Variants in HAO2 observed in about 807,000 individuals in gnomAD.
The protein encoded by HAO2 is hydroxyacid oxidase 2, also known as 2-Hydroxyacid oxidase 2.
Under a neutral mutation model 37.4 loss-of-function variants are expected in HAO2, and 42 were observed. That is an observed-to-expected ratio of 1.12 (90% confidence interval 0.88 to 1.45). The LOEUF (loss-of-function observed/expected upper bound fraction) is 1.45. Ranked by LOEUF, HAO2 falls within the 40% of genes most tolerant of loss-of-function variation. The probability of loss-of-function intolerance (pLI) is 0.00; values close to 1 mark genes in which losing one functional copy is unlikely to be tolerated. For synonymous variants in HAO2, 180 were observed against 162.8 expected, an observed-to-expected ratio of 1.11 and a Z score of -0.81; for missense variants, 476 against 430.2, an observed-to-expected ratio of 1.11 and a Z score of -0.94.
chr1:119,384,697 G>A (rs1162149475), intron 3 of HAO2, 79 bp from the exon 4 acceptor site: 1 of 1,169,478 alleles, frequency 8.6e-7, no homozygotes, highest in Non-Finnish European at 1.2e-6. Flanking sequence ...ATGGCCAGAG[G>A]CTACACAGAC....
intron 3 of HAO2, among the ~76,000 whole-genome samples, chr1:119,383,662 CAATAAT>C (rs749935310): frequency 4.0e-5 from 6 of 151,560 alleles, no homozygotes; most frequent in Admixed American, 2.6e-4. Context: ...CCACCACCGC[CAATAAT>C]AATAATAATA....
At chr1:119,381,318 C>A in intron 2 of HAO2, 102 bp downstream of exon 2, 2 of 811,112 alleles carry the variant, frequency 2.5e-6, no homozygotes, top group Non-Finnish European at 4.2e-6. Context: ...AAACACAGAT[C>A]ACTCAAGACC....
intron 1 of HAO2, among the ~76,000 whole-genome samples, chr1:119,376,832 G>A (rs1383737906): frequency 6.6e-6 from 1 of 152,132 alleles, no homozygotes; most frequent in East Asian, 1.9e-4. Context: ...TGGAACACAG[G>A]GCAACCAGTC....
chr1:119,388,558 T>A (rs746321157), intron 5 of HAO2, among the ~76,000 whole-genome samples: 14 of 152,172 alleles, frequency 9.2e-5, no homozygotes, highest in Non-Finnish European at 4.4e-5. Flanking sequence ...CAAACTCAAG[T>A]TCACTTGGAG....
chr1:119,394,064 T>C lies in HAO2; in HGVS notation c.*224T>C, dbSNP rs1651138511. ...CTTTGTATCACTGACTATTATATGT[T>C]GCTCTCTTGCCTAAATCTTCCTCTG... On this transcript the variant is annotated 3_prime_UTR_variant, in exon 8 of 8. Transcript: ENST00000325945. The C allele has an allele frequency of 7.5e-7, 1 of 1,337,948 alleles. No homozygotes were observed. Among genetic ancestry groups the C allele is most frequent in the South Asian group, 1.7e-5 (1 of 58,184 alleles). The allele number at this position is 1,337,948 out of a possible 1,614,324, so 82.9% of individuals were successfully genotyped here.
chr1:119,384,568 G>A (rs587691315), intron 3 of HAO2, among the ~76,000 whole-genome samples: 26 of 152,304 alleles, frequency 1.7e-4, no homozygotes, highest in Admixed American at 1.3e-3. Flanking sequence ...TTGTAAGACA[G>A]GTTATACAGA....
rs1650961869 is a variant in HAO2 at position 119,392,152 on chromosome 1, A to G, written c.814A>G (p.Ile272Val). The G allele has an allele frequency of 6.2e-7, 1 of 1,613,340 alleles. No homozygotes were observed. Among genetic ancestry groups the G allele is most frequent in the South Asian group, 1.1e-5 (1 of 90,978 alleles). Residue 272 changes from isoleucine to valine, a missense_variant, in exon 6 of 8, where the codon ATT becomes GTT. By Grantham distance (29) the Ile-to-Val change is conservative. Transcript: ENST00000325945. ...TEVVAAVKGK[I>V]EVYLDGGVRT... The stretch of plus-strand genomic sequence containing the variant: ...AGTGGTGGCTGCTGTAAAGGGGAAA[A>G]TTGAAGTCTACCTGGATGGCGGGGT...
chr1:119,384,707 C>G (rs1031302735), intron 3 of HAO2, 69 bp from the exon 4 acceptor site: 1 of 1,306,706 alleles, frequency 7.7e-7, no homozygotes, highest in African/African-American at 1.5e-5. Context: ...GCTACACAGA[C>G]TCCCAAGGTT....
Position 119,392,101 on chromosome 1 carries a change from C to T in HAO2, c.772-9C>T, listed in dbSNP as rs1650957841. 7 of 1,610,166 alleles carry T rather than the reference C, an allele frequency of 4.3e-6. No individual in the cohort carries two copies. Among genetic ancestry groups the T allele is most frequent in the Non-Finnish European group, 5.9e-6 (7 of 1,178,002 alleles). On this transcript the variant is annotated splice_polypyrimidine_tract_variant and intron_variant, in intron 5 of 7. Transcript: ENST00000325945. ...AAAGCCCTCCAGCCCATGTGTATCTCCTTTTCAGATTGATGCTTTGACAGA... is the reference window on the plus strand; with the variant it reads ...AAAGCCCTCCAGCCCATGTGTATCTTCTTTTCAGATTGATGCTTTGACAGA...
chr1:119,372,733 AAAAG>A (rs1649132828), intron 1 of HAO2, among the ~76,000 whole-genome samples: 2 of 152,352 alleles, frequency 1.3e-5, no homozygotes, highest in South Asian at 4.1e-4. Flanking sequence ...AAAGTTCTTG[AAAAG>A]AAAGACCTCC....
At chr1:119,385,175 C>T (rs1347191331) in intron 4 of HAO2, 122 bp downstream of exon 4, 1 of 1,438,942 alleles carries the variant, frequency 6.9e-7, no homozygotes, top group East Asian at 2.5e-5. Flanking sequence ...CTGTGCCAGA[C>T]ACTGCGGATA....
chr1:119,386,398 G>T (rs941671236), intron 4 of HAO2, among the ~76,000 whole-genome samples: 3 of 152,006 alleles, frequency 2.0e-5, no homozygotes, highest in Non-Finnish European at 2.9e-5. Context: ...CAGCAGCAGG[G>T]TCTCTGTGTG....
At position 119,393,774 on chromosome 1, in the gene HAO2, T is replaced by A; in HGVS notation, c.1001-11T>A. On this transcript the variant is annotated splice_polypyrimidine_tract_variant and intron_variant, in intron 7 of 7. Coordinates refer to ENST00000325945, the MANE Select transcript of HAO2 (RefSeq NM_016527.4). ...GACAAAAATGAGCTTGTAACCACAT[T>A]GTTCTTTTAGGCTGCCGGTCGGTCG... 1 of 1,613,028 alleles carries A rather than the reference T, an allele frequency of 6.2e-7. No homozygotes were observed. Among genetic ancestry groups the A allele is most frequent in the Non-Finnish European group, 8.5e-7 (1 of 1,179,160 alleles).
At chr1:119,373,183 C>G (rs773640769) in intron 1 of HAO2, among the ~76,000 whole-genome samples, 51 of 152,122 alleles carry the variant, frequency 3.4e-4, no homozygotes, top group Non-Finnish European at 2.8e-4. Flanking sequence ...CGTATTCCAA[C>G]TTCAAGTGGA....
At chr1:119,384,663 C>T (rs1006584683) in intron 3 of HAO2, 113 bp from the exon 4 acceptor site, 5 of 803,294 alleles carry the variant, frequency 6.2e-6, no homozygotes, top group Non-Finnish European at 7.9e-6. Context: ...TGAAATTAAG[C>T]TTTATCTGCA....
In HAO2 at chr1:119,368,991, C is replaced by A. The variant is rs1316106490; in HGVS notation, c.-9+89C>A. 3 of 152,194 alleles carry A rather than the reference C, an allele frequency of 2.0e-5. No homozygotes were observed. The East Asian group carries it at 5.8e-4, about 29-fold the overall frequency. The allele number at this position is 152,194 out of a possible 1,614,324, so 9.4% of individuals were successfully genotyped here. A position where few individuals can be genotyped will look rare whatever the true frequency, so the allele number is the denominator to read the frequency against. On this transcript the variant is annotated intron_variant, in intron 1 of 7. Transcript: ENST00000325945. ...TGGGAATGGAAGATATCGTGGAAGC[C>A]AACTATGAGTTTGCAAGGCAAGGAC...
chr1:119,391,592 G>T (rs587675481), intron 5 of HAO2, among the ~76,000 whole-genome samples: 4 of 152,298 alleles, frequency 2.6e-5, no homozygotes, highest in African/African-American at 7.2e-5. Context: ...TCAGGGACAA[G>T]TTGGTCAAGT....
At chr1:119,393,539 A>C (rs1651078563) in intron 7 of HAO2, among the ~76,000 whole-genome samples, 1 of 152,170 alleles carries the variant, frequency 6.6e-6, no homozygotes, top group South Asian at 2.1e-4. Flanking sequence ...AAATGCTAAA[A>C]TAGGGTTTTT....
intron 1 of HAO2, among the ~76,000 whole-genome samples, chr1:119,373,616 C>G (rs1359636132): frequency 1.3e-5 from 2 of 152,072 alleles, no homozygotes; most frequent in African/African-American, 4.8e-5. Flanking sequence ...ATGTCCTTAA[C>G]ATAAACATGC....
Sources: allele counts gnomAD v4.1 joint callset (sites outside exome capture counted in the v4.1 genomes callset), GRCh38; gene constraint gnomAD v4.1.1; transcripts MANE v1.5; gene names NCBI Gene and HGNC (gene_info 2026-07-23, HGNC 2026-07-21).